Variants in RAB3IL1 observed in about 807,000 individuals in gnomAD.
RAB3IL1 encodes the protein guanine nucleotide exchange factor for Rab-3A.
RAB3IL1 carries 37 observed loss-of-function variants against 49.2 expected under a neutral mutation model. The ratio of observed to expected loss-of-function variants is 0.75; its 90% CI spans 0.58 to 0.99. The LOEUF (loss-of-function observed/expected upper bound fraction) is 0.99. Ranked by LOEUF, RAB3IL1 falls within the 50% of genes least tolerant of loss-of-function variation. The pLI, the probability that RAB3IL1 is intolerant of heterozygous loss-of-function variation, is 0.00. For synonymous variants in RAB3IL1, 193 were observed against 213.9 expected, an observed-to-expected ratio of 0.90 and a Z score of 0.85; for missense variants, 484 against 513.0, an observed-to-expected ratio of 0.94 and a Z score of 0.55.
the RAB3IL1 span, among the ~76,000 whole-genome samples, chr11:61,942,940 A>G: frequency 6.6e-6 from 1 of 152,230 alleles, no homozygotes; most frequent in Non-Finnish European, 1.5e-5. Flanking sequence ...TGACTAAGTG[A>G]TCTACAGACT....
chr11:61,902,041 G>A (rs1015426185), intron 8 of RAB3IL1, among the ~76,000 whole-genome samples: 17 of 152,226 alleles, frequency 1.1e-4, no homozygotes, highest in Admixed American at 9.8e-4. Context: ...AAGGCTGGGC[G>A]TGGTGGCTCA....
intron 1 of RAB3IL1, among the ~76,000 whole-genome samples, chr11:61,914,328 G>A (rs1293305214): frequency 6.6e-6 from 1 of 152,198 alleles, no homozygotes; most frequent in African/African-American, 2.4e-5. Context: ...TCAATGCCTG[G>A]CCCTCTCTAG....
chr11:61,902,648 C>T, intron 7 of RAB3IL1, 107 bp from the exon 8 acceptor site: 1 of 1,009,416 alleles, frequency 9.9e-7, no homozygotes, highest in Admixed American at 2.2e-5. Flanking sequence ...TGGGGAGGGG[C>T]AGGCCTCCCT....
At chr11:61,901,729 A>G (rs1400856759) in intron 8 of RAB3IL1, among the ~76,000 whole-genome samples, 1 of 152,252 alleles carries the variant, frequency 6.6e-6, no homozygotes, top group Non-Finnish European at 1.5e-5. Flanking sequence ...TAGGGGCCTC[A>G]GTCCTTCAAA....
chr11:61,897,958 G>A lies in RAB3IL1; in HGVS notation c.*320C>T. Reference sequence around the variant, plus strand: ...GGGGACTGGGGAGGGGGCGCTGGCTGCCTCAGGTGTCCCCTCCCAAGGGCT... The same window carrying A: ...GGGGACTGGGGAGGGGGCGCTGGCTACCTCAGGTGTCCCCTCCCAAGGGCT... On this transcript the variant is annotated 3_prime_UTR_variant, in exon 10 of 10. Transcript: ENST00000394836. 1 of 310,046 alleles carries A rather than the reference G, an allele frequency of 3.2e-6. No homozygotes were observed. The highest frequency in any genetic ancestry group is 6.1e-6 in the Non-Finnish European group (1 of 163,832). 19.2% of individuals were successfully genotyped at this position (310,046 alleles called of 1,614,324 possible). A position where few individuals can be genotyped will look rare whatever the true frequency, so the allele number is the denominator to read the frequency against.
intron 7 of RAB3IL1, 34 bp from the exon 8 acceptor site, chr11:61,902,575 C>T: frequency 6.5e-7 from 1 of 1,548,906 alleles, no homozygotes. Context: ...CGGGGGCTGG[C>T]TGGGGCTTGC....
At chr11:61,927,992 T>G in the RAB3IL1 span, among the ~76,000 whole-genome samples, 2 of 152,096 alleles carry the variant, frequency 1.3e-5, no homozygotes, top group African/African-American at 4.8e-5. Context: ...AGTTCAAACT[T>G]TATACTTAAA....
At chr11:61,938,676 AG>A in the RAB3IL1 span, among the ~76,000 whole-genome samples, 2 of 152,190 alleles carry the variant, frequency 1.3e-5, no homozygotes, top group Non-Finnish European at 1.5e-5. Context: ...TTCTAATCCC[AG>A]CACTTTGGGA....
chr11:61,900,497 G>A (rs370381922), intron 8 of RAB3IL1, among the ~76,000 whole-genome samples: 4 of 152,160 alleles, frequency 2.6e-5, no homozygotes, highest in South Asian at 2.1e-4. Context: ...GGGCGAGGTC[G>A]GGGGACCAGC....
rs115580733 is a variant in RAB3IL1 at position 61,906,882 on chromosome 11, G to A, written c.439-198C>T. Among the ~76,000 whole-genome samples the A allele has an allele frequency of 9.6e-3, 1,466 of 152,340 alleles. 22 individuals carry two copies. Among genetic ancestry groups the A allele is most frequent in the African/African-American group, 0.033 (1,363 of 41,572 alleles). On this transcript the variant is annotated intron_variant, in intron 4 of 9. Coordinates refer to ENST00000394836, the MANE Select transcript of RAB3IL1 (RefSeq NM_013401.4). This position sits in a 1 kb window ranked among gnomAD's most constrained non-coding sequence, Gnocchi z 4.6. ...TAGGGAAACTGAGGCTCACAGAGGC[G>A]ACATGGCCTGCCCAAGGTCACTCTG...
intron 1 of RAB3IL1, among the ~76,000 whole-genome samples, chr11:61,917,093 C>T (rs1379845596): frequency 6.6e-6 from 1 of 152,192 alleles, no homozygotes; most frequent in African/African-American, 2.4e-5. Flanking sequence ...TTCTCACTTG[C>T]GCTCCTGATG....
At chr11:61,905,217 CCA>C (rs1366499864) in intron 5 of RAB3IL1, among the ~76,000 whole-genome samples, 1 of 152,174 alleles carries the variant, frequency 6.6e-6, no homozygotes, top group Non-Finnish European at 1.5e-5. Flanking sequence ...TAGCAGGAGG[CCA>C]CAGGTACCAG....
At chr11:61,943,311 A>G in the RAB3IL1 span, among the ~76,000 whole-genome samples, 2 of 152,222 alleles carry the variant, frequency 1.3e-5, no homozygotes, top group East Asian at 3.8e-4. Flanking sequence ...TTGGACCTTT[A>G]CCTCAAATGA....
In RAB3IL1 at chr11:61,904,900, C is replaced by T. The variant is rs376840500; in HGVS notation, c.658-18G>A. The T allele has an allele frequency of 3.0e-5, 47 of 1,556,944 alleles. No individual in the cohort carries two copies. Among genetic ancestry groups the T allele is most frequent in the Middle Eastern group, 3.6e-4 (2 of 5,600 alleles). ...GTGTCCACCTGTGGGGGAGGGCAAG[C>T]GAGGGTGGGGGCGGTCAGGGTACTG... is the stretch of plus-strand genomic sequence containing the variant. On this transcript the variant is annotated intron_variant, in intron 5 of 9. Coordinates refer to ENST00000394836, the MANE Select transcript of RAB3IL1 (RefSeq NM_013401.4).
chr11:61,901,011 A>T (rs1413424869), intron 8 of RAB3IL1, among the ~76,000 whole-genome samples: 1 of 150,480 alleles, frequency 6.6e-6, no homozygotes, highest in Non-Finnish European at 1.5e-5. Context: ...CCCTGAACAC[A>T]CCCCTTTCCT....
the RAB3IL1 span, among the ~76,000 whole-genome samples, chr11:61,940,389 C>T: frequency 8.7e-5 from 13 of 149,640 alleles, no homozygotes; most frequent in Non-Finnish European, 1.5e-4. Context: ...TGCGGTGAGC[C>T]GAGATCATGC....
intron 7 of RAB3IL1, among the ~76,000 whole-genome samples, chr11:61,903,298 G>A (rs989894778): frequency 5.9e-5 from 9 of 152,034 alleles, no homozygotes; most frequent in Non-Finnish European, 1.3e-4. Flanking sequence ...CTGCCTCATC[G>A]CTCTCTTTCT....
chr11:61,930,051 A>G, the RAB3IL1 span, among the ~76,000 whole-genome samples: 1 of 151,562 alleles, frequency 6.6e-6, no homozygotes, highest in African/African-American at 2.4e-5. Flanking sequence ...TGCCACCACC[A>G]TGCCCGGCTA....
At chr11:61,915,275 G>T (rs1325111735) in intron 1 of RAB3IL1, among the ~76,000 whole-genome samples, 9 of 152,154 alleles carry the variant, frequency 5.9e-5, no homozygotes, top group African/African-American at 1.9e-4. Context: ...GGCTCATCCA[G>T]AGTGTTGCTG....
Sources: gnomAD v4.1 joint callset for allele counts (sites outside exome capture counted in the v4.1 genomes callset) on GRCh38, gnomAD v4.1.1 for gene constraint, Gnocchi (gnomAD v3.1) non-coding constraint, MANE v1.5 for transcripts, NCBI Gene and HGNC (gene_info 2026-07-23, HGNC 2026-07-21) for gene names.